Variants in PARD3B observed in about 807,000 individuals in gnomAD.
PARD3B encodes the protein partitioning defective 3 homolog B.
In PARD3B, 103 loss-of-function variants were observed where a neutral mutation model predicts 130.2. The ratio of observed to expected loss-of-function variants is 0.79; its 90% CI spans 0.67 to 0.93. The LOEUF (loss-of-function observed/expected upper bound fraction) is 0.93. PARD3B is among the 40% of genes least tolerant of loss of function. The pLI is 0.00. For missense variants in PARD3B, 1,609 were observed against 1,499.2 expected, an observed-to-expected ratio of 1.07 and a Z score of -1.21; for synonymous variants, 583 against 553.2, an observed-to-expected ratio of 1.05 and a Z score of -0.76.
intron 15 of PARD3B, among the ~76,000 whole-genome samples, chr2:205,217,616 A>G (rs1465073863): frequency 6.6e-6 from 1 of 151,870 alleles, no homozygotes; most frequent in Admixed American, 6.6e-5. Flanking sequence ...CAGGAAGGAG[A>G]CACCCAGAGA....
At chr2:205,553,881 A>C in intron 22 of PARD3B, among the ~76,000 whole-genome samples, 1 of 152,088 alleles carries the variant, frequency 6.6e-6, no homozygotes, top group East Asian at 1.9e-4. Context: ...GCAATAAGCA[A>C]ATATTGCTGA....
intron 21 of PARD3B, among the ~76,000 whole-genome samples, chr2:205,516,060 T>G (rs1321806630): frequency 1.3e-5 from 2 of 152,138 alleles, no homozygotes; most frequent in African/African-American, 4.8e-5. Flanking sequence ...GAGTCTTTTC[T>G]CCATTGCTCG....
intron 16 of PARD3B, among the ~76,000 whole-genome samples, chr2:205,293,181 A>G (rs2041671463): frequency 6.6e-6 from 1 of 152,204 alleles, no homozygotes; most frequent in Non-Finnish European, 1.5e-5. Context: ...GTAAAGATAC[A>G]TTCATATATG....
At chr2:205,324,012 A>G (rs552377967) in intron 18 of PARD3B, among the ~76,000 whole-genome samples, 1 of 152,308 alleles carries the variant, frequency 6.6e-6, no homozygotes, top group East Asian at 1.9e-4. Flanking sequence ...CTCTGCTGTC[A>G]CAACTCAGAC....
intron 2 of PARD3B, among the ~76,000 whole-genome samples, chr2:204,839,996 G>A (rs1196164669): frequency 2.0e-5 from 3 of 151,816 alleles, no homozygotes; most frequent in African/African-American, 4.8e-5. Context: ...CTCCCTCTAC[G>A]TATATTTCTC....
chr2:204,990,135 T>C (rs1013272417), intron 3 of PARD3B, among the ~76,000 whole-genome samples: 3 of 152,116 alleles, frequency 2.0e-5, no homozygotes, highest in African/African-American at 7.2e-5. Flanking sequence ...AAATATTTCA[T>C]TGTGATTGAG....
chr2:205,354,836 C>T (rs998399895), intron 18 of PARD3B, among the ~76,000 whole-genome samples: 1 of 151,980 alleles, frequency 6.6e-6, no homozygotes, highest in Non-Finnish European at 1.5e-5. Context: ...GGAGGTAAAC[C>T]TTATGCAGGT....
chr2:204,797,746 A>C (rs756274589), intron 2 of PARD3B, among the ~76,000 whole-genome samples: 37 of 152,304 alleles, frequency 2.4e-4, no homozygotes, highest in Non-Finnish European at 4.1e-4. Flanking sequence ...AATGACGTTT[A>C]TTGCCAAATT....
intron 1 of PARD3B, among the ~76,000 whole-genome samples, chr2:204,653,136 G>A (rs936346245): frequency 6.6e-6 from 1 of 150,934 alleles, no homozygotes; most frequent in Non-Finnish European, 1.5e-5. Flanking sequence ...AGGTTGGGAG[G>A]AAGGAGAGGA....
intron 3 of PARD3B, among the ~76,000 whole-genome samples, chr2:204,985,298 T>C (rs1035182222): frequency 2.6e-4 from 39 of 152,314 alleles, no homozygotes; most frequent in African/African-American, 8.7e-4. Context: ...TAACTCTTAA[T>C]GCTTATCTTT....
chr2:205,349,528 A>T (rs2043915709), intron 18 of PARD3B, among the ~76,000 whole-genome samples: 1 of 152,254 alleles, frequency 6.6e-6, no homozygotes, highest in Non-Finnish European at 1.5e-5. Flanking sequence ...TGATGCAAAC[A>T]TCACTACAAC....
chr2:205,223,705 G>T (rs1458386586), intron 15 of PARD3B, among the ~76,000 whole-genome samples: 1 of 152,168 alleles, frequency 6.6e-6, no homozygotes, highest in Non-Finnish European at 1.5e-5. Context: ...TAGGAAAGAA[G>T]TAAGTGATGA....
intron 3 of PARD3B, among the ~76,000 whole-genome samples, chr2:205,018,660 A>C (rs1404831577): frequency 2.1e-5 from 3 of 142,224 alleles, no homozygotes; most frequent in African/African-American, 7.8e-5. Flanking sequence ...TCTTGACCCA[A>C]GGTTACAATT....
rs567300486 is a variant in PARD3B at position 205,034,855 on chromosome 2, T to G, written c.395-12726T>G. Among the ~76,000 whole-genome samples, 8 of 152,122 alleles carry G rather than the reference T, an allele frequency of 5.3e-5. No homozygotes were observed. The East Asian group carries it at 9.7e-4, about 18-fold the overall frequency. ...ATAATTTTTGGCCATGTGTTCTTTT[T>G]TTGTTGTTGTTTGTTTATTGAGATG... On this transcript the variant is annotated intron_variant, in intron 3 of 22. Transcript: ENST00000406610.
At chr2:204,693,092 A>G (rs928415270) in intron 2 of PARD3B, among the ~76,000 whole-genome samples, 3 of 151,930 alleles carry the variant, frequency 2.0e-5, no homozygotes, top group Admixed American at 2.0e-4. Flanking sequence ...TTCCATTGAC[A>G]TCCTTGTTTT....
At chr2:205,094,107 G>C (rs546605702) in intron 4 of PARD3B, among the ~76,000 whole-genome samples, 44 of 152,266 alleles carry the variant, frequency 2.9e-4, no homozygotes, top group Middle Eastern at 3.4e-3. Context: ...GTCATGGTAA[G>C]GATTGCTTCA....
chr2:204,556,132 A>G (rs2030907410), intron 1 of PARD3B, among the ~76,000 whole-genome samples: 1 of 152,206 alleles, frequency 6.6e-6, no homozygotes, highest in Non-Finnish European at 1.5e-5. Context: ...TAATTATTTT[A>G]CCATGCATCC....
rs1266368244 is a variant in PARD3B at position 205,592,256 on chromosome 2, G to GTC, written c.3261-23199_3261-23198insCT. Among the ~76,000 whole-genome samples, 1 of 152,196 alleles carries GTC rather than the reference G, an allele frequency of 6.6e-6. No individual in the cohort carries two copies. Among genetic ancestry groups the GTC allele is most frequent in the Non-Finnish European group, 1.5e-5 (1 of 68,038 alleles). On this transcript the variant is annotated intron_variant, in intron 22 of 22. Coordinates refer to ENST00000406610, the MANE Select transcript of PARD3B (RefSeq NM_001302769.2). The surrounding 1 kb of genome is among the most constrained non-coding windows in gnomAD (Gnocchi z 4.5). The stretch of plus-strand genomic sequence containing the variant: ...TCTTGTTTACTATAGTGGGCTGAGC[G>GTC]TAACATCAAGGTTGACTTGTTCATT...
At chr2:204,853,947 C>A (rs1250941260) in intron 2 of PARD3B, among the ~76,000 whole-genome samples, 1 of 152,018 alleles carries the variant, frequency 6.6e-6, no homozygotes, top group Non-Finnish European at 1.5e-5. Context: ...AGTTAGGGAT[C>A]AAGCTAACAT....
Sources: gnomAD v4.1 joint callset for allele counts (sites outside exome capture counted in the v4.1 genomes callset) on GRCh38, gnomAD v4.1.1 for gene constraint, Gnocchi (gnomAD v3.1) non-coding constraint, MANE v1.5 for transcripts, NCBI Gene and HGNC (gene_info 2026-07-23, HGNC 2026-07-21) for gene names.